The following CSNK1G1 variants were observed in gnomAD, a reference collection of about 807,000 sequenced individuals.
CSNK1G1 encodes the protein casein kinase 1 gamma 1.
A neutral mutation model predicts 59.6 loss-of-function variants in CSNK1G1; 22 were observed. The observed-to-expected ratio is 0.37, with a 90% CI of 0.26 to 0.53. The LOEUF (loss-of-function observed/expected upper bound fraction) is 0.53. CSNK1G1 is among the 20% of genes least tolerant of loss of function. CSNK1G1 has a pLI of 0.89. For missense variants in CSNK1G1, 384 were observed against 519.5 expected (o/e 0.74, Z 2.54); for synonymous variants, 179 against 177.1 (o/e 1.01, Z -0.08).
intron 2 of CSNK1G1, among the ~76,000 whole-genome samples, chr15:64,298,323 A>C (rs968651154): frequency 1.3e-5 from 2 of 152,234 alleles, no homozygotes; most frequent in African/African-American, 4.8e-5. Flanking sequence ...TGCTTTAGAA[A>C]CTGCCTCTTA....
chr15:64,323,358 T>G (rs1896664833), intron 1 of CSNK1G1, among the ~76,000 whole-genome samples: 1 of 152,094 alleles, frequency 6.6e-6, no homozygotes, highest in African/African-American at 2.4e-5. Context: ...ATTTAATTAC[T>G]GACTATACTT....
intron 3 of CSNK1G1, among the ~76,000 whole-genome samples, chr15:64,251,910 A>G (rs1403174127): frequency 6.6e-6 from 1 of 152,214 alleles, no homozygotes; most frequent in African/African-American, 2.4e-5. Context: ...AAAAAATACC[A>G]GAATGTATTT....
At chr15:64,199,091 A>G (rs1188509949) in intron 10 of CSNK1G1, among the ~76,000 whole-genome samples, 3 of 151,762 alleles carry the variant, frequency 2.0e-5, no homozygotes, top group South Asian at 4.2e-4. Flanking sequence ...AATACGAAAA[A>G]AAAAAAAAAA....
At chr15:64,351,425 G>A (rs1898279123) in intron 1 of CSNK1G1, among the ~76,000 whole-genome samples, 1 of 152,174 alleles carries the variant, frequency 6.6e-6, no homozygotes, top group African/African-American at 2.4e-5. Context: ...TTCCTGACAA[G>A]CAAATTCCAT....
Position 64,201,285 on chromosome 15 carries a change from A to AG in CSNK1G1, c.1107+1796_1107+1797insC, listed in dbSNP as rs1416191453. On this transcript the variant is annotated intron_variant, in intron 10 of 11. Coordinates refer to ENST00000303052, the MANE Select transcript of CSNK1G1 (RefSeq NM_022048.5). ...AGACACTGTCTCAAAAAAAAAAAAA[A>AG]AAAAAGAAAGAAAAAGAAAAGAAAA... is the stretch of plus-strand genomic sequence containing the variant. Among the ~76,000 whole-genome samples, 717 of 151,592 alleles carry AG rather than the reference A, an allele frequency of 4.7e-3. 10 individuals are homozygous for AG. The highest frequency in any genetic ancestry group is 0.016 in the African/African-American group (666 of 41,282).
At chr15:64,333,931 G>C (rs1596290639) in intron 1 of CSNK1G1, among the ~76,000 whole-genome samples, 1 of 152,034 alleles carries the variant, frequency 6.6e-6, no homozygotes, top group Non-Finnish European at 1.5e-5. Flanking sequence ...AAAAGACAGA[G>C]ACAGCAACAC....
intron 3 of CSNK1G1, among the ~76,000 whole-genome samples, chr15:64,256,771 A>C (rs1261145644): frequency 6.6e-6 from 1 of 152,196 alleles, no homozygotes; most frequent in Non-Finnish European, 1.5e-5. Flanking sequence ...AATCTAAGAA[A>C]AAAGAGTCCA....
At chr15:64,304,944 G>GCT (rs1895585227) in intron 1 of CSNK1G1, among the ~76,000 whole-genome samples, 6 of 152,102 alleles carry the variant, frequency 3.9e-5, no homozygotes, top group Non-Finnish European at 7.4e-5. Context: ...CATTGCTTTT[G>GCT]GTCCTCATGC....
At chr15:64,334,408 C>T (rs1897267955) in intron 1 of CSNK1G1, among the ~76,000 whole-genome samples, 1 of 151,928 alleles carries the variant, frequency 6.6e-6, no homozygotes, top group Non-Finnish European at 1.5e-5. Flanking sequence ...GGGTGGAGGG[C>T]AGGGGGGAAT....
At chr15:64,272,999 T>G (rs1281256052) in intron 2 of CSNK1G1, among the ~76,000 whole-genome samples, 2 of 152,216 alleles carry the variant, frequency 1.3e-5, no homozygotes, top group African/African-American at 4.8e-5. Flanking sequence ...CCACTGTGCC[T>G]GGCCTTAACT....
chr15:64,301,967 C>A (rs551044686), intron 1 of CSNK1G1, among the ~76,000 whole-genome samples: 1 of 152,184 alleles, frequency 6.6e-6, no homozygotes, highest in East Asian at 1.9e-4. Flanking sequence ...ACCAATTATA[C>A]AACAAAGCAA....
chr15:64,251,253 CTA>C (rs1713201090), intron 4 of CSNK1G1, among the ~76,000 whole-genome samples: 1 of 152,196 alleles, frequency 6.6e-6, no homozygotes, highest in African/African-American at 2.4e-5. Context: ...ATCCTTCACA[CTA>C]TGAGTATTTG....
In CSNK1G1 at chr15:64,286,962, A is replaced by G. The variant is rs115983184; in HGVS notation, c.181+13357T>C. On this transcript the variant is annotated intron_variant, in intron 2 of 11. Coordinates refer to ENST00000303052, the MANE Select transcript of CSNK1G1 (RefSeq NM_022048.5). Reference sequence around the variant, plus strand: ...AGTTATCATTTTATACTTTATTTATATTTCTTTTTCTGGTAACATGTAATT... The same window carrying G: ...AGTTATCATTTTATACTTTATTTATGTTTCTTTTTCTGGTAACATGTAATT... Among the ~76,000 whole-genome samples, 1,281 of 152,234 alleles carry G rather than the reference A, an allele frequency of 8.4e-3. 19 individuals are homozygous for G. The highest frequency in any genetic ancestry group is 0.029 in the African/African-American group (1,202 of 41,566).
chr15:64,263,376 A>G (rs1180259769), intron 2 of CSNK1G1, among the ~76,000 whole-genome samples: 1 of 151,826 alleles, frequency 6.6e-6, no homozygotes. Flanking sequence ...TTTAGTAGAG[A>G]CGGGGTTTCG....
intron 10 of CSNK1G1, chr15:64,181,444 G>A: frequency 6.6e-7 from 1 of 1,513,740 alleles, no homozygotes; most frequent in Non-Finnish European, 8.8e-7. Context: ...AAACATGGGA[G>A]AGAACACAAA....
chr15:64,271,342 C>T (rs1259787680), intron 2 of CSNK1G1, among the ~76,000 whole-genome samples: 1 of 151,802 alleles, frequency 6.6e-6, no homozygotes, highest in South Asian at 2.1e-4. Flanking sequence ...GGCTGGACTA[C>T]AATGGCCCCA....
At chr15:64,278,315 G>A (rs915679762) in intron 2 of CSNK1G1, among the ~76,000 whole-genome samples, 4 of 151,740 alleles carry the variant, frequency 2.6e-5, no homozygotes, top group Admixed American at 6.6e-5. Context: ...CCAAAGTGCC[G>A]GGATTGTAGG....
intron 1 of CSNK1G1, among the ~76,000 whole-genome samples, chr15:64,305,721 C>CAA (rs750920098): frequency 3.8e-5 from 4 of 104,650 alleles, no homozygotes; most frequent in South Asian, 3.0e-4. Flanking sequence ...AAAACAAAAA[C>CAA]AAAAAAAAAA....
At chr15:64,292,984 C>T (rs1894825788) in intron 2 of CSNK1G1, among the ~76,000 whole-genome samples, 2 of 152,054 alleles carry the variant, frequency 1.3e-5, no homozygotes, top group African/African-American at 2.4e-5. Flanking sequence ...CTAAGAAAAA[C>T]ATCAGCAATT....
Sources: allele counts gnomAD v4.1 joint callset (sites outside exome capture counted in the v4.1 genomes callset), GRCh38; gene constraint gnomAD v4.1.1; transcripts MANE v1.5; gene names NCBI Gene and HGNC (gene_info 2026-07-23, HGNC 2026-07-21).